The following ASAP1 variants were observed in gnomAD, a reference collection of about 807,000 sequenced individuals.
The protein encoded by ASAP1 is ArfGAP with SH3 domain, ankyrin repeat and PH domain 1.
Under a neutral mutation model 145.2 loss-of-function variants are expected in ASAP1, and 43 were observed. That is an observed-to-expected ratio of 0.30 (90% CI 0.23 to 0.38). The LOEUF is 0.38. Among genes scored for constraint, ASAP1 ranks in the 10% least tolerant of loss-of-function variants. The pLI is 1.00. For synonymous variants in ASAP1, 546 were observed against 515.5 expected (o/e 1.06, Z -0.80); for missense variants, 1,018 against 1,355.3 (o/e 0.75, Z 3.91).
intron 3 of ASAP1, among the ~76,000 whole-genome samples, chr8:130,348,257 G>A (rs1403540895): frequency 6.6e-6 from 1 of 152,188 alleles, no homozygotes; most frequent in African/African-American, 2.4e-5. Context: ...GCATCTGGCA[G>A]GGAAAGGGGT....
intron 1 of ASAP1, among the ~76,000 whole-genome samples, chr8:130,424,719 C>T (rs1383317603): frequency 6.6e-6 from 1 of 151,928 alleles, no homozygotes; most frequent in African/African-American, 2.4e-5. Flanking sequence ...ACAGGCCAGG[C>T]GTGGTGGCTC....
rs538741480 is a variant in ASAP1, at chr8:130,107,420, C to A, written c.2401+4674G>T. ...CAGGATGGTCTCGATCTCCTGACCT[C>A]GTGATCCGCCCGCCTCAGCCTCCCA... On this transcript the variant is annotated intron_variant, in intron 24 of 29. Coordinates refer to ENST00000518721, the MANE Select transcript of ASAP1 (RefSeq NM_018482.4). Among the ~76,000 whole-genome samples, 5 of 151,424 alleles carry A rather than the reference C, an allele frequency of 3.3e-5. No individual in the cohort carries two copies. The East Asian group carries it at 9.7e-4, about 29-fold the overall frequency.
intron 1 of ASAP1, among the ~76,000 whole-genome samples, chr8:130,429,206 G>A (rs1830053879): frequency 6.6e-6 from 1 of 152,136 alleles, no homozygotes; most frequent in Admixed American, 6.5e-5. Flanking sequence ...TTCCTCTGTG[G>A]AGAGCTTATT....
intron 2 of ASAP1, among the ~76,000 whole-genome samples, chr8:130,386,173 G>A (rs1482272160): frequency 6.6e-6 from 1 of 152,206 alleles, no homozygotes; most frequent in Non-Finnish European, 1.5e-5. Context: ...CAGTGGAGGA[G>A]AAAGCACTAG....
chr8:130,090,122 G>A (rs1026177150), intron 25 of ASAP1, among the ~76,000 whole-genome samples: 5 of 152,232 alleles, frequency 3.3e-5, no homozygotes, highest in South Asian at 2.1e-4. Flanking sequence ...GGGGAAAAAC[G>A]GCCAGCTGCT....
rs192874669 is a variant in ASAP1 at position 130,075,182 on chromosome 8, C to T, written c.2701+1166G>A. On this transcript the variant is annotated intron_variant, in intron 27 of 29. Coordinates refer to ENST00000518721, the MANE Select transcript of ASAP1 (RefSeq NM_018482.4). ...CCTGGGAAACTTGTTTCAAACTCTT[C>T]TGAGATCAAAACAGCCCGTTGGGCA... Among the ~76,000 whole-genome samples the T allele has an allele frequency of 2.0e-5, 3 of 152,272 alleles. No homozygotes were observed. In the East Asian group the frequency reaches 5.8e-4, roughly 29 times the overall value.
intron 2 of ASAP1, chr8:130,386,805 C>A (rs1458498035): frequency 2.0e-5 from 3 of 152,186 alleles, no homozygotes; most frequent in African/African-American, 7.2e-5. Flanking sequence ...ACTTTGTAAA[C>A]CTCCACTTTT....
chr8:130,387,111 G>A (rs551380603), intron 2 of ASAP1, among the ~76,000 whole-genome samples: 10 of 152,216 alleles, frequency 6.6e-5, no homozygotes, highest in Admixed American at 2.6e-4. Context: ...ATTTTAAACC[G>A]AAATCAAACC....
rs1196080082 is a variant in ASAP1, at chr8:130,198,582, T to C, written c.406-10399A>G. Among the ~76,000 whole-genome samples, 4 of 152,316 alleles carry C rather than the reference T, an allele frequency of 2.6e-5. No individual in the cohort carries two copies. In the East Asian group the frequency reaches 7.7e-4, roughly 29 times the overall value. ...CAGAACAGCATGAATTTTATTTAAATGACAGAGGGTACTGTATCTAACATA... is the reference window on the plus strand; with the variant it reads ...CAGAACAGCATGAATTTTATTTAAACGACAGAGGGTACTGTATCTAACATA... On this transcript the variant is annotated intron_variant, in intron 5 of 29. Transcript: ENST00000518721.
At chr8:130,170,107 A>G (rs1472747832) in intron 9 of ASAP1, among the ~76,000 whole-genome samples, 2 of 152,198 alleles carry the variant, frequency 1.3e-5, no homozygotes, top group African/African-American at 4.8e-5. Flanking sequence ...GACCTTGAGC[A>G]TGAGGACTGT....
chr8:130,428,472 C>CCACCACTGTCATCACCATCATCACCAT (rs1830017271), intron 1 of ASAP1, among the ~76,000 whole-genome samples: 1 of 4,532 alleles, frequency 2.2e-4, no homozygotes, highest in Non-Finnish European at 6.2e-4. Flanking sequence ...ATCATCACCA[C>CCACCACTGTCATCACCATCATCACCAT]CACCACCACC....
At chr8:130,205,590 G>GC (rs1251811563) in intron 5 of ASAP1, among the ~76,000 whole-genome samples, 1 of 82,780 alleles carries the variant, frequency 1.2e-5, no homozygotes, top group Non-Finnish European at 2.5e-5. Context: ...AAAATACACG[G>GC]CTTTTTTTTT....
intron 3 of ASAP1, among the ~76,000 whole-genome samples, chr8:130,276,687 A>AACACACACACACAC (rs1161892776): frequency 1.5e-4 from 14 of 91,690 alleles, no homozygotes; most frequent in African/African-American, 5.0e-4. Flanking sequence ...CAAGACTGCA[A>AACACACACACACAC]ACACACACAC....
Position 130,434,427 on chromosome 8 carries a change from A to G in ASAP1, c.-28+9033T>C, listed in dbSNP as rs189964609. Among the ~76,000 whole-genome samples, 4 of 152,380 alleles carry G rather than the reference A, an allele frequency of 2.6e-5. No individual in the cohort carries two copies. The East Asian group carries it at 7.7e-4, about 29-fold the overall frequency. ...GTATTTCAGGTTCGTCGTATATAAA[A>G]TGGGAGTTAGAAATAGCGCCTATTT... On this transcript the variant is annotated intron_variant, in intron 1 of 29. Transcript: ENST00000518721.
chr8:130,311,918 C>T (rs746391813), intron 3 of ASAP1, among the ~76,000 whole-genome samples: 5 of 151,980 alleles, frequency 3.3e-5, no homozygotes, highest in Middle Eastern at 3.4e-3. Flanking sequence ...AATTTGAATA[C>T]GATCCATAAT....
At chr8:130,212,022 G>T (rs772974820) in intron 5 of ASAP1, among the ~76,000 whole-genome samples, 1 of 152,148 alleles carries the variant, frequency 6.6e-6, no homozygotes, top group South Asian at 2.1e-4. Flanking sequence ...TGACCCCCTC[G>T]GGGTGAGTTG....
chr8:130,291,453 C>A (rs1327842424), intron 3 of ASAP1, among the ~76,000 whole-genome samples: 3 of 152,200 alleles, frequency 2.0e-5, no homozygotes, highest in Non-Finnish European at 4.4e-5. Flanking sequence ...TCTCCTGCCA[C>A]TTCCCTCTGA....
chr8:130,063,004 C>G (rs765559813), intron 27 of ASAP1, among the ~76,000 whole-genome samples: 1 of 151,238 alleles, frequency 6.6e-6, no homozygotes, highest in Non-Finnish European at 1.5e-5. Context: ...GATATGTAGC[C>G]AATAAAAATT....
chr8:130,232,599 G>A (rs769484467), intron 4 of ASAP1, among the ~76,000 whole-genome samples: 4 of 151,478 alleles, frequency 2.6e-5, no homozygotes, highest in Non-Finnish European at 5.9e-5. Context: ...TGAAACCAAA[G>A]GGCTTGCATG....
Sources: allele counts gnomAD v4.1 joint callset (sites outside exome capture counted in the v4.1 genomes callset), GRCh38; gene constraint gnomAD v4.1.1; transcripts MANE v1.5; gene names NCBI Gene and HGNC (gene_info 2026-07-23, HGNC 2026-07-21).